Variants in MACROD2 observed in about 807,000 individuals in gnomAD.
MACROD2 encodes ADP-ribose glycohydrolase MACROD2.
A neutral mutation model predicts 70.4 loss-of-function variants in MACROD2; 36 were observed. The ratio of observed to expected loss-of-function variants is 0.51; its 90% confidence interval spans 0.39 to 0.68. MACROD2 has a LOEUF of 0.68. Ranked by LOEUF, MACROD2 falls within the 30% of genes least tolerant of loss-of-function variation. MACROD2 has a pLI of 0.00. For synonymous variants in MACROD2, 172 were observed against 178.8 expected (o/e 0.96, Z 0.30); for missense variants, 496 against 538.4 (o/e 0.92, Z 0.78).
At chr20:14,181,492 G>A (rs1055326031) in intron 3 of MACROD2, among the ~76,000 whole-genome samples, 1 of 151,762 alleles carries the variant, frequency 6.6e-6, no homozygotes, top group Non-Finnish European at 1.5e-5. Context: ...TACAGTTCAC[G>A]TACCATAAAA....
intron 3 of MACROD2, among the ~76,000 whole-genome samples, chr20:14,177,399 C>G (rs1176545183): frequency 1.3e-5 from 2 of 151,296 alleles, no homozygotes; most frequent in African/African-American, 2.4e-5. Context: ...TCACTGCTAC[C>G]TCCACCTCCT....
chr20:15,883,189 C>A (rs1430347495), intron 9 of MACROD2, among the ~76,000 whole-genome samples: 1 of 152,016 alleles, frequency 6.6e-6, no homozygotes, highest in African/African-American at 2.4e-5. Context: ...GCAAAGGGAT[C>A]TTTGACTCTT....
intron 6 of MACROD2, among the ~76,000 whole-genome samples, chr20:15,344,064 C>T (rs921249572): frequency 6.6e-6 from 1 of 152,176 alleles, no homozygotes; most frequent in Non-Finnish European, 1.5e-5. Flanking sequence ...GAGGTATGCA[C>T]AGTTCAAAAG....
intron 5 of MACROD2, among the ~76,000 whole-genome samples, chr20:14,963,089 T>C (rs1195525823): frequency 6.6e-6 from 1 of 152,174 alleles, no homozygotes; most frequent in Non-Finnish European, 1.5e-5. Flanking sequence ...AAAAAAACTG[T>C]ACCATACTTT....
At chr20:14,174,548 G>C (rs1166186725) in intron 3 of MACROD2, among the ~76,000 whole-genome samples, 1 of 152,150 alleles carries the variant, frequency 6.6e-6, no homozygotes, top group Non-Finnish European at 1.5e-5. Context: ...TTTATTTCCA[G>C]GTAGCAGGTG....
intron 7 of MACROD2, among the ~76,000 whole-genome samples, chr20:15,447,837 G>A (rs1458962503): frequency 1.3e-5 from 2 of 152,138 alleles, no homozygotes; most frequent in Admixed American, 6.6e-5. Context: ...ATGGGGGAGT[G>A]ACTCATGGTA....
intron 5 of MACROD2, among the ~76,000 whole-genome samples, chr20:14,846,500 G>A (rs2073142360): frequency 6.7e-6 from 1 of 149,530 alleles, no homozygotes; most frequent in Admixed American, 6.7e-5. Flanking sequence ...ACACTTTTTG[G>A]GAGGAAAATG....
chr20:15,257,762 G>A (rs55935444), intron 6 of MACROD2, among the ~76,000 whole-genome samples: 16,857 of 151,986 alleles, frequency 0.11, 1,204 homozygotes, highest in African/African-American at 0.19. Context: ...TTACGAATTT[G>A]CTATACTTCT....
chr20:15,650,250 A>G (rs749006182), intron 8 of MACROD2, among the ~76,000 whole-genome samples: 1 of 152,208 alleles, frequency 6.6e-6, no homozygotes, highest in Non-Finnish European at 1.5e-5. Flanking sequence ...ATAAATGGTC[A>G]TGAGAAAGCT....
chr20:14,816,390 A>G (rs2072774269), intron 5 of MACROD2, among the ~76,000 whole-genome samples: 1 of 152,074 alleles, frequency 6.6e-6, no homozygotes, highest in Non-Finnish European at 1.5e-5. Context: ...TTAGTGTAGT[A>G]TACCCAGTAT....
intron 8 of MACROD2, among the ~76,000 whole-genome samples, chr20:15,725,992 A>G (rs184328969): frequency 3.6e-4 from 55 of 152,136 alleles, no homozygotes; most frequent in Admixed American, 3.6e-3. Flanking sequence ...AAATCTGTAC[A>G]TTATGGGGGT....
At chr20:15,720,078 C>T (rs936416351) in intron 8 of MACROD2, among the ~76,000 whole-genome samples, 2 of 152,166 alleles carry the variant, frequency 1.3e-5, no homozygotes, top group African/African-American at 4.8e-5. Context: ...GCTTATTTCA[C>T]TTAATGTAAT....
Position 14,212,649 on chromosome 20 carries a change from A to G in MACROD2, c.271+126921A>G, listed in dbSNP as rs1366239888. 2.0e-5 allele frequency among the ~76,000 whole-genome samples: 3 copies of G among 151,966 alleles called. No individual in the cohort carries two copies. In the East Asian group the frequency reaches 5.8e-4, roughly 29 times the overall value. On this transcript the variant is annotated intron_variant, in intron 3 of 17. Coordinates refer to ENST00000684519, the MANE Select transcript of MACROD2 (RefSeq NM_001351661.2). ...CAAGGAAGCTAGTTTGGGTCTCAAC[A>G]TTGATACCGTTCTTGAGTCACTGTG...
intron 6 of MACROD2, among the ~76,000 whole-genome samples, chr20:15,425,040 A>G (rs538007003): frequency 4.6e-5 from 7 of 152,312 alleles, no homozygotes; most frequent in South Asian, 2.1e-4. Flanking sequence ...AGAAAGAGCT[A>G]CGCGCAAAAC....
chr20:15,714,786 T>G (rs1435394549), intron 8 of MACROD2, among the ~76,000 whole-genome samples: 1 of 152,068 alleles, frequency 6.6e-6, no homozygotes, highest in African/African-American at 2.4e-5. Context: ...GCCATATACT[T>G]TTTTATTCCT....
intron 8 of MACROD2, among the ~76,000 whole-genome samples, chr20:15,819,804 C>T (rs944673944): frequency 1.3e-5 from 2 of 151,944 alleles, no homozygotes; most frequent in African/African-American, 4.8e-5. Context: ...TCAACAGATA[C>T]AAAGTGGCAG....
chr20:14,470,628 G>A (rs1463670945), intron 3 of MACROD2, among the ~76,000 whole-genome samples: 5 of 152,156 alleles, frequency 3.3e-5, no homozygotes, highest in African/African-American at 1.2e-4. Context: ...TGCCTAGGGT[G>A]GAGGAATCTA....
At chr20:14,405,549 G>T (rs1299405650) in intron 3 of MACROD2, among the ~76,000 whole-genome samples, 1 of 152,170 alleles carries the variant, frequency 6.6e-6, no homozygotes, top group Non-Finnish European at 1.5e-5. Context: ...TCTGTCACTT[G>T]AACTCATTAG....
chr20:14,777,660 A>G (rs2072251147), intron 5 of MACROD2, among the ~76,000 whole-genome samples: 1 of 152,044 alleles, frequency 6.6e-6, no homozygotes, highest in African/African-American at 2.4e-5. Context: ...AAAAGAAACA[A>G]CTAATGATTA....
Sources: allele counts gnomAD v4.1 joint callset (sites outside exome capture counted in the v4.1 genomes callset), GRCh38; gene constraint gnomAD v4.1.1; transcripts MANE v1.5; gene names NCBI Gene and HGNC (gene_info 2026-07-23, HGNC 2026-07-21).